Variants in ATF3 observed in about 807,000 individuals in gnomAD.
The protein encoded by ATF3 is cyclic AMP-dependent transcription factor ATF-3.
A neutral mutation model predicts 18.4 loss-of-function variants in ATF3; 10 were observed. The observed-to-expected ratio is 0.54, with a 90% CI of 0.34 to 0.92. ATF3 has a LOEUF of 0.92. ATF3 is among the 40% of genes least tolerant of loss of function. ATF3 has a pLI of 0.02. For missense variants in ATF3, 183 were observed against 222.3 expected, an observed-to-expected ratio of 0.82 and a Z score of 1.12; for synonymous variants, 78 against 87.9, an observed-to-expected ratio of 0.89 and a Z score of 0.63.
At chr1:212,574,294 T>C (rs1664533824) in intron 1 of ATF3, among the ~76,000 whole-genome samples, 1 of 151,978 alleles carries the variant, frequency 6.6e-6, no homozygotes, top group Admixed American at 6.5e-5. Context: ...GCTATGTTCT[T>C]ATACTTTAAT....
intron 1 of ATF3, among the ~76,000 whole-genome samples, chr1:212,571,150 A>T (rs543558995): frequency 2.0e-5 from 3 of 152,308 alleles, no homozygotes; most frequent in Non-Finnish European, 4.4e-5. Flanking sequence ...TTTCTATTTT[A>T]GCCATTCTGT....
intron 1 of ATF3, among the ~76,000 whole-genome samples, chr1:212,612,062 C>G (rs995596966): frequency 6.6e-6 from 1 of 152,152 alleles, no homozygotes; most frequent in Non-Finnish European, 1.5e-5. Context: ...CCTCGAGAGA[C>G]TGAGTAAAGG....
intron 1 of ATF3, among the ~76,000 whole-genome samples, chr1:212,601,188 TC>T (rs1654474598): frequency 6.6e-6 from 1 of 152,152 alleles, no homozygotes; most frequent in South Asian, 2.1e-4. Context: ...AGAATAAAAG[TC>T]CAAAAAGCCC....
At chr1:212,590,474 C>T (rs781130025) in intron 1 of ATF3, among the ~76,000 whole-genome samples, 3 of 151,952 alleles carry the variant, frequency 2.0e-5, no homozygotes, top group African/African-American at 7.3e-5. Context: ...GGAAGTTCAC[C>T]ATCCAAATAA....
chr1:212,587,752 G>C (rs137973634), intron 1 of ATF3, among the ~76,000 whole-genome samples: 1 of 152,164 alleles, frequency 6.6e-6, no homozygotes. Flanking sequence ...TGTATCTCCT[G>C]CCTTTCGTCC....
intron 1 of ATF3, among the ~76,000 whole-genome samples, chr1:212,614,284 C>G (rs112179309): frequency 2.6e-5 from 4 of 152,188 alleles, no homozygotes; most frequent in East Asian, 3.8e-4. Context: ...ACAACTCCCC[C>G]ACAATACAGT....
chr1:212,569,042 A>C lies in ATF3; in HGVS notation c.-5+3559A>C, dbSNP rs541206593. ...TTGCTGAAGGATCTAAATGTTTAAC[A>C]TATATTCTAAAATAAACATTGGCTG... On this transcript the variant is annotated intron_variant, in intron 1 of 3. Coordinates refer to the ATF3 transcript ENST00000366981. Among the ~76,000 whole-genome samples the C allele has an allele frequency of 7.2e-5, 11 of 152,322 alleles. No homozygotes were observed. The South Asian group carries it at 2.3e-3, about 32-fold the overall frequency.
At chr1:212,617,932 C>T (rs1163895221) in intron 2 of ATF3, among the ~76,000 whole-genome samples, 195 bp from the exon 3 acceptor site, 1 of 106,598 alleles carries the variant, frequency 9.4e-6, no homozygotes, top group Non-Finnish European at 2.0e-5. Flanking sequence ...TGTTCACTCA[C>T]GTGTGTGTGT....
chr1:212,607,404 C>A (rs946877676), upstream of ATF3, among the ~76,000 whole-genome samples: 1 of 152,234 alleles, frequency 6.6e-6, no homozygotes, highest in African/African-American at 2.4e-5. Context: ...TAGTCATCCA[C>A]GGGCAGTCAA....
chr1:212,605,324 C>A (rs961612707), upstream of ATF3, among the ~76,000 whole-genome samples: 16 of 152,186 alleles, frequency 1.1e-4, no homozygotes, highest in Non-Finnish European at 2.2e-4. Flanking sequence ...CAATTTTGGA[C>A]ACTATTAAAC....
chr1:212,615,470 A>G (rs1425774340), intron 2 of ATF3, among the ~76,000 whole-genome samples: 1 of 152,066 alleles, frequency 6.6e-6, no homozygotes, highest in Non-Finnish European at 1.5e-5. Context: ...AGAAAAAAGC[A>G]GGGAGCGGGG....
chr1:212,607,895 C>T (rs562321336), upstream of ATF3, among the ~76,000 whole-genome samples: 101 of 148,446 alleles, frequency 6.8e-4, no homozygotes, highest in Non-Finnish European at 1.2e-3. Flanking sequence ...CAATTTCAAA[C>T]GCTTTGTGAT....
intron 1 of ATF3, among the ~76,000 whole-genome samples, chr1:212,601,164 CGTA>C (rs1654473981): frequency 6.6e-6 from 1 of 152,124 alleles, no homozygotes; most frequent in Non-Finnish European, 1.5e-5. Flanking sequence ...TCAAGTTCAT[CGTA>C]TTTTGGGAAA....
intron 1 of ATF3, among the ~76,000 whole-genome samples, chr1:212,586,779 A>G (rs1292981985): frequency 6.6e-6 from 1 of 152,236 alleles, no homozygotes; most frequent in East Asian, 1.9e-4. Context: ...GGCAAAAAAT[A>G]ACCAACAGTT....
At chr1:212,582,522 C>T (rs938321153) in intron 1 of ATF3, among the ~76,000 whole-genome samples, 6 of 152,230 alleles carry the variant, frequency 3.9e-5, no homozygotes, top group Admixed American at 1.3e-4. Flanking sequence ...GGAGAAAACA[C>T]ACACTGGTCA....
chr1:212,606,134 C>T (rs1389854048), upstream of ATF3, among the ~76,000 whole-genome samples: 1 of 152,224 alleles, frequency 6.6e-6, no homozygotes, highest in Non-Finnish European at 1.5e-5. Context: ...GCAAAGACCT[C>T]AGGGGCTCTG....
At chr1:212,578,423 A>G (rs1456335287) in intron 1 of ATF3, among the ~76,000 whole-genome samples, 1 of 152,178 alleles carries the variant, frequency 6.6e-6, no homozygotes, top group African/African-American at 2.4e-5. Flanking sequence ...TGATCAATCA[A>G]TCTTCCATGT....
At chr1:212,571,412 A>G (rs894806201) in intron 1 of ATF3, among the ~76,000 whole-genome samples, 1 of 151,980 alleles carries the variant, frequency 6.6e-6, no homozygotes, top group Non-Finnish European at 1.5e-5. Context: ...TATTATTACT[A>G]TTATTATTTT....
intron 1 of ATF3, among the ~76,000 whole-genome samples, chr1:212,568,294 T>C (rs1664419268): frequency 6.6e-6 from 1 of 152,232 alleles, no homozygotes; most frequent in South Asian, 2.1e-4. Context: ...ATTTTGGGGC[T>C]ACCAAGCTGA....
Sources: allele counts gnomAD v4.1 joint callset (sites outside exome capture counted in the v4.1 genomes callset), GRCh38; gene constraint gnomAD v4.1.1; transcripts MANE v1.5; gene names NCBI Gene and HGNC (gene_info 2026-07-23, HGNC 2026-07-21).